CCDC192: variants seen among roughly 807,000 people sequenced by gnomAD.
The protein encoded by CCDC192 is coiled-coil domain-containing protein 192.
At chr5:127,746,258 A>G (rs575113721) in intron 2 of CCDC192, among the ~76,000 whole-genome samples, 1 of 152,346 alleles carries the variant, frequency 6.6e-6, no homozygotes. Context: ...GAAAAGTCCT[A>G]TGTTATTTAA....
chr5:127,915,797 G>A (rs1753505124), intron 6 of CCDC192, among the ~76,000 whole-genome samples: 2 of 151,984 alleles, frequency 1.3e-5, no homozygotes, highest in Admixed American at 1.3e-4. Context: ...TTCTTCCAAT[G>A]TGGCCTAAGG....
chr5:127,735,582 T>C (rs1752933051), intron 2 of CCDC192, among the ~76,000 whole-genome samples: 1 of 100,038 alleles, frequency 1.0e-5, no homozygotes, highest in Non-Finnish European at 1.9e-5. Context: ...CTTCCATTTG[T>C]TTGTATCCTC....
At position 127,755,090 on chromosome 5, in the gene CCDC192, G is replaced by A. The variant is rs1194260799; in HGVS notation, c.222+715G>A. ...GAGGCTTGGCCCCAGGGGACAAACT[G>A]CTTGGAGTCTCGGTCCCCCAGTGCT... On this transcript the variant is annotated intron_variant, in intron 3 of 6. Transcript: ENST00000514853. 2.6e-5 allele frequency among the ~76,000 whole-genome samples: 4 copies of A among 152,312 alleles called. No individual in the cohort carries two copies. In the East Asian group the frequency reaches 7.7e-4, roughly 29 times the overall value.
chr5:127,897,247 T>G (rs970904157), intron 6 of CCDC192, among the ~76,000 whole-genome samples: 4 of 151,876 alleles, frequency 2.6e-5, no homozygotes, highest in African/African-American at 9.7e-5. Context: ...TAAGGCAATT[T>G]TAAAGTGAAA....
rs534513049 is a variant in CCDC192 at position 127,937,654 on chromosome 5, A to G, written c.536-3528A>G. Among the ~76,000 whole-genome samples, 14 of 152,338 alleles carry G rather than the reference A, an allele frequency of 9.2e-5. No homozygotes were observed. In the South Asian group the frequency reaches 2.9e-3, roughly 32 times the overall value. On this transcript the variant is annotated intron_variant, in intron 6 of 6. Transcript: ENST00000514853. ...TTTGTGATAGCAGCCCAAGCTGCCT[A>G]GACACTTGCTTCTCCTCTCATTTTC...
chr5:127,755,898 T>C (rs555822601), intron 3 of CCDC192, among the ~76,000 whole-genome samples: 3 of 152,152 alleles, frequency 2.0e-5, no homozygotes, highest in African/African-American at 4.8e-5. Context: ...TTTGGGAGGC[T>C]GAGGCGGGTG....
At chr5:127,806,366 A>G (rs146619957) in intron 5 of CCDC192, among the ~76,000 whole-genome samples, 1 of 152,170 alleles carries the variant, frequency 6.6e-6, no homozygotes, top group African/African-American at 2.4e-5. Context: ...TAGACGATGA[A>G]TAAGTTTAAA....
intron 2 of CCDC192, among the ~76,000 whole-genome samples, chr5:127,749,437 C>T (rs935998238): frequency 6.6e-6 from 1 of 151,804 alleles, no homozygotes; most frequent in Non-Finnish European, 1.5e-5. Context: ...GTATATTGAA[C>T]CAGCCTTGCA....
At chr5:127,812,998 A>G (rs1239505961) in intron 5 of CCDC192, among the ~76,000 whole-genome samples, 1 of 152,002 alleles carries the variant, frequency 6.6e-6, no homozygotes, top group Non-Finnish European at 1.5e-5. Flanking sequence ...TATGATGCAT[A>G]TTTCCTGTGC....
chr5:127,891,592 C>T (rs755293307), intron 6 of CCDC192, among the ~76,000 whole-genome samples: 2 of 152,198 alleles, frequency 1.3e-5, no homozygotes, highest in Non-Finnish European at 1.5e-5. Flanking sequence ...TCATCTCATG[C>T]ATGCATCATA....
intron 2 of CCDC192, among the ~76,000 whole-genome samples, chr5:127,713,556 A>G (rs1323982497): frequency 6.6e-6 from 1 of 152,116 alleles, no homozygotes; most frequent in East Asian, 1.9e-4. Flanking sequence ...GAAGTTTTTT[A>G]TTTTGATGAG....
At chr5:127,866,365 C>G (rs1424868442) in intron 5 of CCDC192, among the ~76,000 whole-genome samples, 2 of 151,142 alleles carry the variant, frequency 1.3e-5, no homozygotes, top group Admixed American at 6.6e-5. Context: ...AATTAACTAT[C>G]ACACATTGCT....
At chr5:127,719,586 G>T (rs1333305493) in intron 2 of CCDC192, among the ~76,000 whole-genome samples, 3 of 129,870 alleles carry the variant, frequency 2.3e-5, no homozygotes, top group African/African-American at 3.1e-5. Flanking sequence ...TATATACCAA[G>T]CAGTGGGATT....
intron 5 of CCDC192, among the ~76,000 whole-genome samples, chr5:127,819,557 C>T (rs1487624037): frequency 6.6e-6 from 1 of 151,942 alleles, no homozygotes; most frequent in Non-Finnish European, 1.5e-5. Flanking sequence ...ACTTTAAAGA[C>T]CTAAAATGAA....
chr5:127,763,565 T>C (rs112522782), intron 3 of CCDC192, among the ~76,000 whole-genome samples: 9 of 152,280 alleles, frequency 5.9e-5, no homozygotes, highest in African/African-American at 2.2e-4. Context: ...ACTTTAAATC[T>C]TAAATTAGCC....
At chr5:127,732,885 A>G (rs1580550149) in intron 2 of CCDC192, among the ~76,000 whole-genome samples, 1 of 152,244 alleles carries the variant, frequency 6.6e-6, no homozygotes, top group East Asian at 1.9e-4. Flanking sequence ...GTAAATAGCT[A>G]ATGCATGTGG....
intron 6 of CCDC192, among the ~76,000 whole-genome samples, chr5:127,933,379 T>C (rs952914080): frequency 6.6e-6 from 1 of 152,130 alleles, no homozygotes; most frequent in Admixed American, 6.5e-5. Flanking sequence ...ACTTAAATAC[T>C]AGGCGAGAGG....
chr5:127,803,003 A>G lies in CCDC192; in HGVS notation c.411+4841A>G, dbSNP rs544148168. ...GATCTCTTAGAGTGGAAACAGAAGG[A>G]AAAAAATAGCAGAGAAAGAAAACAC... is the stretch of plus-strand genomic sequence containing the variant. On this transcript the variant is annotated intron_variant, in intron 5 of 6. Transcript: ENST00000514853. Among the ~76,000 whole-genome samples, 10 of 152,260 alleles carry G rather than the reference A, an allele frequency of 6.6e-5. No homozygotes were observed. In the South Asian group the frequency reaches 2.1e-3, roughly 32 times the overall value.
intron 2 of CCDC192, among the ~76,000 whole-genome samples, chr5:127,739,284 C>A (rs901597844): frequency 6.6e-6 from 1 of 152,170 alleles, no homozygotes; most frequent in Non-Finnish European, 1.5e-5. Flanking sequence ...GCAGTCTGCC[C>A]GTTCTCAGAT....
Sources: allele counts gnomAD v4.1 joint callset (sites outside exome capture counted in the v4.1 genomes callset), GRCh38; gene constraint gnomAD v4.1.1; transcripts MANE v1.5; gene names NCBI Gene and HGNC (gene_info 2026-07-23, HGNC 2026-07-21).